KCNIP4: variants seen among roughly 807,000 people sequenced by gnomAD.
The protein encoded by KCNIP4 is potassium voltage-gated channel interacting protein 4.
Under a neutral mutation model 34.0 loss-of-function variants are expected in KCNIP4, and 12 were observed. That is an observed-to-expected ratio of 0.35 (90% CI 0.23 to 0.57). The LOEUF (loss-of-function observed/expected upper bound fraction) is 0.57. Among genes scored for constraint, KCNIP4 ranks in the 20% least tolerant of loss-of-function variants. The pLI, the probability that KCNIP4 is intolerant of heterozygous loss-of-function variation, is 0.83. For synonymous variants in KCNIP4, 124 were observed against 102.2 expected (o/e 1.21, Z -1.29); for missense variants, 238 against 311.7 (o/e 0.76, Z 1.78).
intron 1 of KCNIP4, among the ~76,000 whole-genome samples, chr4:21,532,002 G>T (rs571839546): frequency 1.3e-5 from 2 of 151,962 alleles, no homozygotes; most frequent in Non-Finnish European, 2.9e-5. Flanking sequence ...AGGGTGCCTT[G>T]CTATTTTCAG....
intron 1 of KCNIP4, among the ~76,000 whole-genome samples, chr4:21,422,392 G>T (rs1192854276): frequency 6.6e-6 from 1 of 151,896 alleles, no homozygotes; most frequent in African/African-American, 2.4e-5. Flanking sequence ...GTAGAGATGG[G>T]GTTTCACCAT....
intron 1 of KCNIP4, among the ~76,000 whole-genome samples, chr4:21,308,711 A>AGTGTGTGTGT (rs10525935): frequency 2.7e-5 from 4 of 149,874 alleles, no homozygotes; most frequent in African/African-American, 7.4e-5. Flanking sequence ...CTGCCGTGTG[A>AGTGTGTGTGT]GTGTGTGTGT....
intron 1 of KCNIP4, among the ~76,000 whole-genome samples, chr4:21,443,133 AC>A (rs1428824053): frequency 6.6e-6 from 1 of 151,880 alleles, no homozygotes; most frequent in Admixed American, 6.6e-5. Context: ...TCTTATCCAA[AC>A]CCCACTCTCT....
intron 1 of KCNIP4, among the ~76,000 whole-genome samples, chr4:21,421,416 T>C (rs554404027): frequency 4.6e-5 from 7 of 152,294 alleles, no homozygotes; most frequent in African/African-American, 7.2e-5. Context: ...GTGGTATATA[T>C]ACACAATGCA....
rs28593030 is a variant in KCNIP4 at position 21,403,896 on chromosome 4, T to A, written c.62-521187A>T. Among the ~76,000 whole-genome samples the A allele has an allele frequency of 2.5e-3, 386 of 152,296 alleles. 1 individual carries two copies. The highest frequency in any genetic ancestry group is 8.9e-3 in the African/African-American group (370 of 41,554). ...TGTTCTGCTTCTTTTATACGAGCAC[T>A]AATCCCATCCATGAGGGTGGAGAAC... On this transcript the variant is annotated intron_variant, in intron 1 of 8. Transcript: ENST00000382152.
intron 1 of KCNIP4, among the ~76,000 whole-genome samples, chr4:21,924,076 G>C (rs1729092356): frequency 6.6e-6 from 1 of 151,954 alleles, no homozygotes; most frequent in South Asian, 2.1e-4. Context: ...AAAAATTATA[G>C]GTGTCAATAA....
intron 1 of KCNIP4, among the ~76,000 whole-genome samples, chr4:21,692,398 C>T (rs1711755733): frequency 6.6e-6 from 1 of 152,030 alleles, no homozygotes; most frequent in South Asian, 2.1e-4. Flanking sequence ...CATGAATTCC[C>T]CACAAACGTC....
intron 1 of KCNIP4, among the ~76,000 whole-genome samples, chr4:21,438,231 G>A (rs979418737): frequency 6.6e-6 from 1 of 152,108 alleles, no homozygotes; most frequent in Non-Finnish European, 1.5e-5. Flanking sequence ...CCATTTTGGT[G>A]GTGGGGAAGG....
At chr4:21,832,583 T>A (rs1355025618) in intron 1 of KCNIP4, among the ~76,000 whole-genome samples, 3 of 35,354 alleles carry the variant, frequency 8.5e-5, no homozygotes, top group East Asian at 1.1e-3. Flanking sequence ...TTATTTTTTT[T>A]ATTTTTTTTT....
In KCNIP4 at chr4:21,234,330, AAT is replaced by A. The variant is rs1560199076; in HGVS notation, c.62-351623_62-351622del. Among the ~76,000 whole-genome samples the A allele has an allele frequency of 6.3e-4, 58 of 91,820 alleles. 10 individuals carry two copies. Among genetic ancestry groups the A allele is most frequent in the Middle Eastern group, 0.011 (1 of 88 alleles). The allele number at this position is 91,820 out of a possible 152,430, so 60.2% of individuals were successfully genotyped here. A position where few individuals can be genotyped will look rare whatever the true frequency, so the allele number is the denominator to read the frequency against. On this transcript the variant is annotated intron_variant, in intron 1 of 8. Coordinates refer to ENST00000382152, the MANE Select transcript of KCNIP4 (RefSeq NM_025221.6). The stretch of plus-strand genomic sequence containing the variant: ...ATATAACATATATATAACATATATA[AAT>A]TATATATAACATACATTATATATAA...
At chr4:21,395,229 T>A (rs1390900071) in intron 1 of KCNIP4, among the ~76,000 whole-genome samples, 1 of 152,094 alleles carries the variant, frequency 6.6e-6, no homozygotes, top group Non-Finnish European at 1.5e-5. Context: ...GCAGGTCTAC[T>A]CCCAGAAGAG....
intron 1 of KCNIP4, among the ~76,000 whole-genome samples, chr4:20,902,069 A>T (rs1373493259): frequency 1.3e-5 from 2 of 152,142 alleles, no homozygotes. Flanking sequence ...ACCTTGACAC[A>T]TTTTCTGGAC....
chr4:20,952,554 A>C (rs1032647084), intron 1 of KCNIP4, among the ~76,000 whole-genome samples: 3 of 152,212 alleles, frequency 2.0e-5, no homozygotes, highest in African/African-American at 7.2e-5. Flanking sequence ...GAAACCATGT[A>C]AGGTTGAGAA....
chr4:21,521,591 T>C (rs1246737428), intron 1 of KCNIP4, among the ~76,000 whole-genome samples: 2 of 152,094 alleles, frequency 1.3e-5, no homozygotes, highest in South Asian at 2.1e-4. Flanking sequence ...AAAAATCTGG[T>C]TGTAGGGTTG....
chr4:21,290,514 T>A (rs1440804974), intron 1 of KCNIP4, among the ~76,000 whole-genome samples: 2 of 152,206 alleles, frequency 1.3e-5, no homozygotes. Context: ...TTTAATGAGA[T>A]CATTATTTTG....
At chr4:21,841,123 G>A (rs1723652111) in intron 1 of KCNIP4, among the ~76,000 whole-genome samples, 1 of 151,916 alleles carries the variant, frequency 6.6e-6, no homozygotes, top group Non-Finnish European at 1.5e-5. Flanking sequence ...TCCTGCTGAA[G>A]CTATCCTTGA....
chr4:21,394,251 A>C (rs550661600), intron 1 of KCNIP4, among the ~76,000 whole-genome samples: 1 of 152,246 alleles, frequency 6.6e-6, no homozygotes, highest in African/African-American at 2.4e-5. Flanking sequence ...ATATATCTAA[A>C]AATTCAGTGC....
intron 1 of KCNIP4, among the ~76,000 whole-genome samples, chr4:21,480,500 GT>G (rs373425849): frequency 2.5e-3 from 375 of 152,238 alleles, no homozygotes; most frequent in African/African-American, 8.3e-3. Context: ...ATGAGAAGCA[GT>G]CAGTTTCACT....
At chr4:21,484,573 C>T (rs1731751486) in intron 1 of KCNIP4, among the ~76,000 whole-genome samples, 1 of 152,164 alleles carries the variant, frequency 6.6e-6, no homozygotes, top group African/African-American at 2.4e-5. Flanking sequence ...TGCAACCTGA[C>T]ATCTGTGAGT....
Sources: gnomAD v4.1 joint callset for allele counts (sites outside exome capture counted in the v4.1 genomes callset) on GRCh38, gnomAD v4.1.1 for gene constraint, MANE v1.5 for transcripts, NCBI Gene and HGNC (gene_info 2026-07-23, HGNC 2026-07-21) for gene names.